The following ENTREP2 variants were observed in gnomAD, a reference collection of about 807,000 sequenced individuals.
The protein encoded by ENTREP2 is endosomal transmembrane epsin interactor 2, also known as protein ENTREP2.
chr15:29,265,171 C>T, the ENTREP2 span: 2 of 152,066 alleles, frequency 1.3e-5, no homozygotes, highest in Non-Finnish European at 2.9e-5. Flanking sequence ...AAACATCACA[C>T]TCTATGGCAA....
At chr15:29,179,578 T>A in the ENTREP2 span, among the ~76,000 whole-genome samples, 2 of 148,864 alleles carry the variant, frequency 1.3e-5, no homozygotes, top group Admixed American at 6.7e-5. Context: ...AGGGCCGGAG[T>A]CGTCTTTTTT....
At chr15:29,666,210 C>T in the ENTREP2 span, among the ~76,000 whole-genome samples, 3 of 152,044 alleles carry the variant, frequency 2.0e-5, 1 homozygote, top group African/African-American at 2.4e-5. Flanking sequence ...GTCTAATCAG[C>T]GTTTCAAAGG....
chr15:29,630,778 C>T, the ENTREP2 span, among the ~76,000 whole-genome samples: 21 of 152,312 alleles, frequency 1.4e-4, no homozygotes, highest in African/African-American at 5.1e-4. Flanking sequence ...ACCTCCACCT[C>T]CCGGGTTCAA....
the ENTREP2 span, among the ~76,000 whole-genome samples, chr15:29,136,768 C>T: frequency 1.3e-5 from 2 of 151,672 alleles, no homozygotes; most frequent in African/African-American, 4.8e-5. Flanking sequence ...TTTCATTAAA[C>T]TGTACATGTT....
At chr15:29,467,913 A>C in the ENTREP2 span, among the ~76,000 whole-genome samples, 3 of 152,058 alleles carry the variant, frequency 2.0e-5, no homozygotes, top group South Asian at 6.2e-4. Flanking sequence ...GCCACCCAGC[A>C]ATCATGGCTA....
chr15:29,430,658 A>AC, the ENTREP2 span, among the ~76,000 whole-genome samples: 3 of 152,062 alleles, frequency 2.0e-5, no homozygotes, highest in African/African-American at 7.2e-5. Context: ...TCAAAAACAA[A>AC]CAAACAAACA....
At chr15:29,518,628 G>C in the ENTREP2 span, among the ~76,000 whole-genome samples, 1 of 152,270 alleles carries the variant, frequency 6.6e-6, no homozygotes, top group East Asian at 1.9e-4. Context: ...AGACAGCCGG[G>C]AAGGGCAGGA....
chr15:29,220,927 T>G, the ENTREP2 span, among the ~76,000 whole-genome samples: 2 of 152,180 alleles, frequency 1.3e-5, no homozygotes, highest in Admixed American at 1.3e-4. Context: ...GCAACAGATG[T>G]TCAAATTATT....
chr15:29,284,572 A>C, the ENTREP2 span, among the ~76,000 whole-genome samples: 10 of 150,520 alleles, frequency 6.6e-5, no homozygotes, highest in Admixed American at 2.0e-4. Context: ...AAAAAAAAAA[A>C]ACCAAAAATA....
chr15:29,600,898 C>CTTTTTTTTTT, the ENTREP2 span, among the ~76,000 whole-genome samples: 19,371 of 122,330 alleles, frequency 0.16, 3,437 homozygotes, highest in Middle Eastern at 0.21. Context: ...TATGATTTTT[C>CTTTTTTTTTT]TTTCTTTTTT....
the ENTREP2 span, among the ~76,000 whole-genome samples, chr15:29,118,900 A>C: frequency 1.3e-5 from 2 of 152,156 alleles, no homozygotes; most frequent in African/African-American, 4.8e-5. Context: ...CCTGGGGTCC[A>C]GCTGGGTTAG....
the ENTREP2 span, among the ~76,000 whole-genome samples, chr15:29,221,853 G>A: frequency 1.3e-5 from 2 of 152,072 alleles, no homozygotes; most frequent in African/African-American, 2.4e-5. Context: ...AAGAATGTTC[G>A]CAGCAGCAGT....
At chr15:29,649,839 GA>G in the ENTREP2 span, among the ~76,000 whole-genome samples, 1,045 of 152,124 alleles carry the variant, frequency 6.9e-3, 8 homozygotes, top group Non-Finnish European at 9.9e-3. Context: ...ATGGAGCAAG[GA>G]TGGCCTCTTG....
chr15:29,523,370 T>C, the ENTREP2 span, among the ~76,000 whole-genome samples: 1 of 151,928 alleles, frequency 6.6e-6, no homozygotes, highest in Non-Finnish European at 1.5e-5. Context: ...AATACAATAC[T>C]TAGGAATAAA....
At chr15:29,216,215 T>C in the ENTREP2 span, among the ~76,000 whole-genome samples, 6 of 152,194 alleles carry the variant, frequency 3.9e-5, no homozygotes, top group African/African-American at 1.4e-4. Flanking sequence ...TATCTTTCCT[T>C]CATATATGCT....
At chr15:29,487,990 G>C in the ENTREP2 span, among the ~76,000 whole-genome samples, 1 of 152,182 alleles carries the variant, frequency 6.6e-6, no homozygotes, top group Non-Finnish European at 1.5e-5. Flanking sequence ...ACCATGCCTG[G>C]CATGTTCAGT....
At chr15:29,207,176 G>T in the ENTREP2 span, among the ~76,000 whole-genome samples, 1 of 152,136 alleles carries the variant, frequency 6.6e-6, no homozygotes, top group Non-Finnish European at 1.5e-5. Flanking sequence ...GTCCCTGCCA[G>T]ACCTGAGGAC....
At chr15:29,567,330 G>A in the ENTREP2 span, among the ~76,000 whole-genome samples, 2 of 152,078 alleles carry the variant, frequency 1.3e-5, no homozygotes, top group Non-Finnish European at 1.5e-5. Flanking sequence ...AATTTCTCTT[G>A]TATCTTCACC....
chr15:29,273,918 C>G, the ENTREP2 span, among the ~76,000 whole-genome samples: 1 of 152,056 alleles, frequency 6.6e-6, no homozygotes, highest in African/African-American at 2.4e-5. Context: ...TTTTGGAACT[C>G]AGACTGGCTT....
Sources: gnomAD v4.1 joint callset for allele counts (sites outside exome capture counted in the v4.1 genomes callset) on GRCh38, gnomAD v4.1.1 for gene constraint, MANE v1.5 for transcripts, NCBI Gene and HGNC (gene_info 2026-07-23, HGNC 2026-07-21) for gene names.